Variants in ADK observed in about 807,000 individuals in gnomAD.
ADK encodes the protein adenosine kinase.
A neutral mutation model predicts 44.7 loss-of-function variants in ADK; 24 were observed. The observed-to-expected ratio is 0.54, with a 90% CI of 0.39 to 0.76. ADK has a LOEUF of 0.76. Ranked by LOEUF, ADK falls within the 30% of genes least tolerant of loss-of-function variation. The pLI is 0.00. For synonymous variants in ADK, 128 were observed against 142.6 expected (o/e 0.90, Z 0.73); for missense variants, 321 against 425.1 (o/e 0.76, Z 2.15).
chr10:74,372,089 G>C lies in ADK; in HGVS notation c.274-22052G>C. 8 of 753,408 alleles carry C rather than the reference G, an allele frequency of 1.1e-5. No individual in the cohort carries two copies. In the South Asian group the frequency reaches 1.1e-4, roughly 10 times the overall value. 46.7% of individuals were successfully genotyped at this position (753,408 alleles called of 1,614,324 possible). ...TGCCAGCCCGGGAAGGTTTGCGCGC[G>C]TGTGGCACCATTTCCCATGAACACC... On this transcript the variant is annotated intron_variant, in intron 4 of 10. Coordinates refer to ENST00000539909, the MANE Select transcript of ADK (RefSeq NM_006721.4).
chr10:74,518,919 C>T (rs1159537190), intron 6 of ADK, among the ~76,000 whole-genome samples: 1 of 151,920 alleles, frequency 6.6e-6, no homozygotes, highest in African/African-American at 2.4e-5. Context: ...GTGCCATAAG[C>T]ATTTTCTACT....
chr10:74,375,149 CT>C (rs1228272702), intron 4 of ADK, among the ~76,000 whole-genome samples: 1 of 152,048 alleles, frequency 6.6e-6, no homozygotes. Context: ...GCATATAAAT[CT>C]TTTTTGTAAA....
chr10:74,359,901 T>C (rs1043370822), intron 4 of ADK, among the ~76,000 whole-genome samples: 1 of 152,164 alleles, frequency 6.6e-6, no homozygotes, highest in African/African-American at 2.4e-5. Flanking sequence ...TTTTTGTAGC[T>C]ATTGTAAATG....
intron 1 of ADK, among the ~76,000 whole-genome samples, chr10:74,187,501 T>TACACAC (rs147834892): frequency 2.6e-5 from 4 of 151,058 alleles, no homozygotes; most frequent in East Asian, 1.9e-4. Flanking sequence ...TACACGCACA[T>TACACAC]ACACACACAC....
intron 4 of ADK, among the ~76,000 whole-genome samples, chr10:74,375,707 G>A (rs948587846): frequency 6.6e-6 from 1 of 152,062 alleles, no homozygotes; most frequent in East Asian, 1.9e-4. Context: ...GGCAAAGGGG[G>A]CTTCTTCAAA....
At chr10:74,381,036 T>C (rs1439498267) in intron 4 of ADK, among the ~76,000 whole-genome samples, 6 of 152,162 alleles carry the variant, frequency 3.9e-5, no homozygotes, top group Non-Finnish European at 7.4e-5. Context: ...AACAAATGCA[T>C]GAATTTCATG....
intron 6 of ADK, among the ~76,000 whole-genome samples, chr10:74,417,042 T>C (rs1844399619): frequency 6.6e-6 from 1 of 152,112 alleles, no homozygotes; most frequent in African/African-American, 2.4e-5. Context: ...ACTGATGTTT[T>C]CCTGGTAGAT....
chr10:74,579,929 C>G (rs1054900218), intron 7 of ADK, among the ~76,000 whole-genome samples: 3 of 152,170 alleles, frequency 2.0e-5, no homozygotes, highest in African/African-American at 7.2e-5. Flanking sequence ...AATTGGACAT[C>G]TTTTTTAGTA....
At chr10:74,210,319 C>A (rs1328264298) in intron 2 of ADK, among the ~76,000 whole-genome samples, 1 of 134,296 alleles carries the variant, frequency 7.4e-6, no homozygotes, top group Non-Finnish European at 1.6e-5. Context: ...CAGAGTGAGA[C>A]TCCATCTCAG....
At chr10:74,664,819 G>A (rs1005156834) in intron 9 of ADK, among the ~76,000 whole-genome samples, 1 of 152,144 alleles carries the variant, frequency 6.6e-6, no homozygotes, top group Non-Finnish European at 1.5e-5. Flanking sequence ...TCCAGCCTGG[G>A]CGACGCAGCG....
intron 9 of ADK, among the ~76,000 whole-genome samples, chr10:74,638,310 C>T (rs1187292854): frequency 4.0e-5 from 6 of 151,716 alleles, no homozygotes; most frequent in South Asian, 2.1e-4. Flanking sequence ...TTTTTTATTG[C>T]GAGAGATGCA....
At chr10:74,621,265 C>A (rs1220323852) in intron 9 of ADK, among the ~76,000 whole-genome samples, 48 of 152,212 alleles carry the variant, frequency 3.2e-4, no homozygotes, top group Non-Finnish European at 2.9e-5. Context: ...AGTCTAGTTC[C>A]ATTCTTATGC....
In ADK at chr10:74,406,242, T is replaced by C. The variant is rs555790395; in HGVS notation, c.555+7663T>C. Among the ~76,000 whole-genome samples the C allele has an allele frequency of 2.2e-4, 34 of 152,320 alleles. No homozygotes were observed. The East Asian group carries it at 6.2e-3, about 28-fold the overall frequency. On this transcript the variant is annotated intron_variant, in intron 6 of 10. Coordinates refer to ENST00000539909, the MANE Select transcript of ADK (RefSeq NM_006721.4). ...GGAGTAAATCTAGTTTCTGTTCCTC[T>C]ACTGTCTTCTGCTTTGCATTGTTTT... is the stretch of plus-strand genomic sequence containing the variant.
At chr10:74,586,523 G>T (rs944778425) in intron 7 of ADK, among the ~76,000 whole-genome samples, 6 of 152,120 alleles carry the variant, frequency 3.9e-5, no homozygotes, top group African/African-American at 1.2e-4. Context: ...CAGTTAGTCA[G>T]CTCCATACCA....
intron 7 of ADK, among the ~76,000 whole-genome samples, chr10:74,573,617 T>C (rs1458226022): frequency 6.6e-6 from 1 of 152,222 alleles, no homozygotes; most frequent in Non-Finnish European, 1.5e-5. Flanking sequence ...AGGTGGAGCC[T>C]ACAGAGGCAG....
At chr10:74,404,111 A>T (rs1011579366) in intron 6 of ADK, among the ~76,000 whole-genome samples, 13 of 149,278 alleles carry the variant, frequency 8.7e-5, no homozygotes, top group Admixed American at 2.7e-4. Flanking sequence ...TGACCTCATG[A>T]TCCACACGCT....
At chr10:74,375,631 GC>G (rs1236462561) in intron 4 of ADK, among the ~76,000 whole-genome samples, 1 of 152,138 alleles carries the variant, frequency 6.6e-6, no homozygotes, top group East Asian at 1.9e-4. Flanking sequence ...GTCAAGGGGG[GC>G]CAGAATGGCA....
intron 6 of ADK, among the ~76,000 whole-genome samples, chr10:74,467,202 G>A (rs1589139383): frequency 6.6e-6 from 1 of 151,974 alleles, no homozygotes. Flanking sequence ...GCATGTAATA[G>A]CATTAAAACA....
At chr10:74,215,689 A>G (rs1458891360) in intron 2 of ADK, among the ~76,000 whole-genome samples, 6 of 142,034 alleles carry the variant, frequency 4.2e-5, no homozygotes, top group African/African-American at 1.6e-4. Context: ...TTTTTAAGAC[A>G]GAGTCTTGCT....
Sources: gnomAD v4.1 joint callset for allele counts (sites outside exome capture counted in the v4.1 genomes callset) on GRCh38, gnomAD v4.1.1 for gene constraint, MANE v1.5 for transcripts, NCBI Gene and HGNC (gene_info 2026-07-23, HGNC 2026-07-21) for gene names.